The following SPATA1 variants were observed in gnomAD, a reference collection of about 807,000 sequenced individuals.
SPATA1 encodes the protein spermatogenesis associated 1, also known as spermatogenesis-associated protein 1.
In SPATA1, 57 loss-of-function variants were observed where a neutral mutation model predicts 59.6. The ratio of observed to expected loss-of-function variants is 0.96; its 90% CI spans 0.77 to 1.19. The LOEUF (loss-of-function observed/expected upper bound fraction) is 1.19, where lower values mean the gene tolerates loss of function less well. SPATA1 is among the 50% of genes most tolerant of loss of function. The probability of loss-of-function intolerance (pLI) is 0.00; values close to 1 mark genes in which losing one functional copy is unlikely to be tolerated. For missense variants in SPATA1, 448 were observed against 480.7 expected (o/e 0.93, Z 0.64); for synonymous variants, 147 against 163.9 (o/e 0.90, Z 0.79).
chr1:84,553,292 A>G (rs755276932), exon 13 of SPATA1: 7 of 390,144 alleles, frequency 1.8e-5, no homozygotes, highest in Non-Finnish European at 3.3e-5. Context: ...TAGATGTAAT[A>G]TAAAGCAAAA....
Position 84,552,946 on chromosome 1 carries a change from G to A in SPATA1, c.1225-89G>A, listed in dbSNP as rs1034551766. ...CAAATGAGAGAAGACAGTTAAAGCG[G>A]TTACAAAAACCCTGTTTACATGACA... On this transcript the variant is annotated intron_variant, in intron 12 of 12. Transcript: ENST00000490879. 12 of 825,316 alleles carry A rather than the reference G, an allele frequency of 1.5e-5. No individual in the cohort carries two copies. In the African/African-American group the frequency reaches 2.1e-4, roughly 15 times the overall value. 51.1% of individuals were successfully genotyped at this position (825,316 alleles called of 1,614,324 possible).
Position 84,552,920 on chromosome 1 carries a change from C to A in SPATA1, c.1225-115C>A, listed in dbSNP as rs548920531. 5.3e-5 allele frequency: 35 copies of A among 661,076 alleles called. No homozygotes were observed. The African/African-American group carries it at 6.0e-4, about 11-fold the overall frequency. 41.0% of individuals were successfully genotyped at this position (661,076 alleles called of 1,614,324 possible). A position where few individuals can be genotyped will look rare whatever the true frequency, so the allele number is the denominator to read the frequency against. On this transcript the variant is annotated intron_variant, in intron 12 of 12. Coordinates refer to ENST00000490879, the Ensembl canonical transcript of SPATA1. The stretch of plus-strand genomic sequence containing the variant: ...CCAGTGGGAGTTGAAAGCACTGAAG[C>A]CAAATGAGAGAAGACAGTTAAAGCG...
At chr1:84,516,861 C>G (rs949130681) in intron 2 of SPATA1, among the ~76,000 whole-genome samples, 3 of 152,170 alleles carry the variant, frequency 2.0e-5, no homozygotes, top group Admixed American at 6.5e-5. Flanking sequence ...AAGTACCATT[C>G]TCACTTTAAA....
At chr1:84,565,619 T>C (rs1684684809) in intron 4 of SPATA1, among the ~76,000 whole-genome samples, 1 of 152,184 alleles carries the variant, frequency 6.6e-6, no homozygotes, top group Admixed American at 6.5e-5. Context: ...TCTAGAAATA[T>C]ACCTATACCA....
intron 8 of SPATA1, among the ~76,000 whole-genome samples, chr1:84,540,464 T>C (rs1683862616): frequency 6.6e-6 from 1 of 152,192 alleles, no homozygotes; most frequent in African/African-American, 2.4e-5. Context: ...CTCCTCCTTG[T>C]TATATTTGAG....
intron 1 of SPATA1, among the ~76,000 whole-genome samples, chr1:84,509,074 C>T (rs1682414609): frequency 6.6e-6 from 1 of 152,118 alleles, no homozygotes; most frequent in African/African-American, 2.4e-5. Flanking sequence ...AATCCTAAAA[C>T]TTATACAGAA....
chr1:84,550,516 ATAG>A, exon 12 of SPATA1: 2 of 1,546,430 alleles, frequency 1.3e-6, no homozygotes, highest in South Asian at 1.2e-5. Context: ...AATGAAACTC[ATAG>A]TAGAAGTTAA....
chr1:84,528,790 C>T (rs187956497), intron 6 of SPATA1, among the ~76,000 whole-genome samples: 17 of 152,248 alleles, frequency 1.1e-4, no homozygotes, highest in South Asian at 1.0e-3. Context: ...TTTTCCAAAG[C>T]GGTAGTACCC....
intron 3 of SPATA1, 105 bp from the exon 4 acceptor site, chr1:84,522,285 T>G (rs1185802519): frequency 1.8e-6 from 1 of 570,312 alleles, no homozygotes; most frequent in East Asian, 3.3e-5. Flanking sequence ...TCTGACACAT[T>G]AAATCAACCT....
At chr1:84,524,369 T>C (rs113173945) in intron 4 of SPATA1, among the ~76,000 whole-genome samples, 1,798 of 152,240 alleles carry the variant, frequency 0.012, 13 homozygotes, top group Non-Finnish European at 0.017. Flanking sequence ...ATTAGTAGTT[T>C]GGATTTTTTC....
downstream of SPATA1, chr1:84,554,901 G>A (rs193181499): frequency 2.3e-5 from 20 of 887,480 alleles, no homozygotes; most frequent in East Asian, 5.1e-5. Flanking sequence ...TTTAGTATAC[G>A]GATAACAAAA....
chr1:84,535,784 ACT>A (rs2101979612), intron 8 of SPATA1, among the ~76,000 whole-genome samples: 1 of 151,136 alleles, frequency 6.6e-6, no homozygotes, highest in Admixed American at 6.6e-5. Context: ...CAATAGTTTT[ACT>A]CTTTCTTTCT....
intron 6 of SPATA1, 130 bp from the exon 7 acceptor site, chr1:84,532,730 T>C (rs1683521172): frequency 8.3e-6 from 5 of 602,632 alleles, no homozygotes; most frequent in Non-Finnish European, 1.2e-5. Context: ...CTTATATCTA[T>C]ATAGGAAAGT....
intron 10 of SPATA1, 143 bp downstream of exon 10, chr1:84,545,902 A>C: frequency 1.9e-6 from 1 of 532,098 alleles, no homozygotes; most frequent in East Asian, 3.9e-5. Context: ...TAAGTTCAAT[A>C]TAGAAAACAT....
At chr1:84,522,911 C>CTTT (rs370552721) in intron 4 of SPATA1, among the ~76,000 whole-genome samples, 2 of 143,558 alleles carry the variant, frequency 1.4e-5, no homozygotes, top group Admixed American at 6.9e-5. Context: ...TTGGTGTCAA[C>CTTT]TTTTTTTTTT....
At chr1:84,563,021 C>G (rs77861106) in intron 4 of SPATA1, among the ~76,000 whole-genome samples, 64 of 152,208 alleles carry the variant, frequency 4.2e-4, no homozygotes, top group African/African-American at 1.5e-3. Flanking sequence ...ATGGCATCAT[C>G]TAAATGACAA....
exon 9 of SPATA1, chr1:84,544,216 G>A (rs772974117): frequency 4.1e-5 from 66 of 1,598,206 alleles, no homozygotes; most frequent in Non-Finnish European, 5.5e-5. Flanking sequence ...CTGAAAAAGA[G>A]TACATCACCC....
exon 8 of SPATA1, chr1:84,533,735 A>G (rs200764124): frequency 6.4e-6 from 10 of 1,566,418 alleles, no homozygotes; most frequent in Middle Eastern, 1.7e-4. Flanking sequence ...AATGAAGATG[A>G]TACAGCTATC....
At chr1:84,522,924 T>C (rs1466040277) in intron 4 of SPATA1, among the ~76,000 whole-genome samples, 1 of 152,088 alleles carries the variant, frequency 6.6e-6, no homozygotes, top group African/African-American at 2.4e-5. Flanking sequence ...TTTTTTTTTT[T>C]TTCCGAGACG....
Sources: gnomAD v4.1 joint callset for allele counts (sites outside exome capture counted in the v4.1 genomes callset) on GRCh38, gnomAD v4.1.1 for gene constraint, MANE v1.5 for transcripts, NCBI Gene and HGNC (gene_info 2026-07-23, HGNC 2026-07-21) for gene names.